The following SGCZ variants were observed in gnomAD, a reference collection of about 807,000 sequenced individuals.
The protein encoded by SGCZ is zeta-sarcoglycan.
Under a neutral mutation model 41.3 loss-of-function variants are expected in SGCZ, and 40 were observed. The ratio of observed to expected loss-of-function variants is 0.97; its 90% confidence interval spans 0.75 to 1.26. The LOEUF is 1.26. SGCZ is among the 50% of genes most tolerant of loss of function. The probability of loss-of-function intolerance (pLI) is 0.00; values close to 1 mark genes in which losing one functional copy is unlikely to be tolerated. For missense variants in SGCZ, 552 were observed against 369.8 expected, an observed-to-expected ratio of 1.49 and a Z score of -4.04; for synonymous variants, 206 against 137.5, an observed-to-expected ratio of 1.50 and a Z score of -3.49.
intron 2 of SGCZ, among the ~76,000 whole-genome samples, chr8:14,495,835 C>G (rs2117040072): frequency 6.6e-6 from 1 of 152,186 alleles, no homozygotes; most frequent in Admixed American, 6.5e-5. Context: ...CCTAAAGTTT[C>G]AGGGGACTAA....
chr8:14,550,379 T>A (rs776451171), intron 2 of SGCZ, among the ~76,000 whole-genome samples: 1 of 150,382 alleles, frequency 6.6e-6, no homozygotes, highest in Non-Finnish European at 1.5e-5. Flanking sequence ...AAAATTTATA[T>A]TTATGCATTA....
chr8:14,219,732 T>G (rs1237738295), intron 4 of SGCZ, among the ~76,000 whole-genome samples: 1 of 141,374 alleles, frequency 7.1e-6, no homozygotes, highest in Non-Finnish European at 1.5e-5. Flanking sequence ...GGCGACAGAG[T>G]GAGACTTCGT....
intron 1 of SGCZ, among the ~76,000 whole-genome samples, chr8:15,072,100 T>C (rs1003726985): frequency 2.6e-5 from 4 of 152,096 alleles, no homozygotes; most frequent in Admixed American, 2.6e-4. Context: ...CCTCAACAAC[T>C]GAACTGGCTG....
chr8:14,965,650 A>AT (rs1406828299), intron 1 of SGCZ, among the ~76,000 whole-genome samples: 1 of 152,200 alleles, frequency 6.6e-6, no homozygotes, highest in African/African-American at 2.4e-5. Context: ...TTAACATAGC[A>AT]TTTTTATAAA....
chr8:14,581,409 C>T (rs543902427), intron 1 of SGCZ, among the ~76,000 whole-genome samples: 2 of 152,142 alleles, frequency 1.3e-5, no homozygotes, highest in Admixed American at 6.5e-5. Context: ...CCACTGCGCC[C>T]GGCCTTTGCT....
intron 4 of SGCZ, among the ~76,000 whole-genome samples, chr8:14,176,859 G>C (rs1804557760): frequency 6.6e-6 from 1 of 152,202 alleles, no homozygotes; most frequent in Admixed American, 6.5e-5. Flanking sequence ...TTTGGAGACA[G>C]GAGGCAGTGA....
intron 2 of SGCZ, among the ~76,000 whole-genome samples, chr8:14,416,659 C>G (rs908730288): frequency 1.3e-5 from 2 of 151,842 alleles, no homozygotes; most frequent in African/African-American, 4.8e-5. Flanking sequence ...TACTTGGATT[C>G]AGAAATAAAG....
intron 1 of SGCZ, among the ~76,000 whole-genome samples, chr8:15,180,027 T>A (rs959183986): frequency 2.0e-5 from 3 of 152,198 alleles, no homozygotes; most frequent in African/African-American, 7.2e-5. Context: ...ATTTTTACTA[T>A]GTGTTATAAA....
intron 1 of SGCZ, among the ~76,000 whole-genome samples, chr8:14,785,413 A>AT (rs1180102498): frequency 1.3e-5 from 2 of 152,050 alleles, no homozygotes; most frequent in African/African-American, 2.4e-5. Context: ...ATCCATATAT[A>AT]TTTTTTTAAT....
rs550765147 is a variant in SGCZ at position 14,209,215 on chromosome 8, G to C, written c.424+28377C>G. On this transcript the variant is annotated intron_variant, in intron 4 of 7. Transcript: ENST00000382080. ...TCACATGTTGTCCAACCAATCTGTGGACTCCATGTAAATCAGACACACAGC... is the reference window on the plus strand; with the variant it reads ...TCACATGTTGTCCAACCAATCTGTGCACTCCATGTAAATCAGACACACAGC... 3.1e-4 allele frequency among the ~76,000 whole-genome samples: 47 copies of C among 152,282 alleles called. No homozygotes were observed. In the East Asian group the frequency reaches 8.5e-3, roughly 28 times the overall value.
chr8:15,235,274 C>A (rs773767091), intron 1 of SGCZ, among the ~76,000 whole-genome samples: 4 of 152,196 alleles, frequency 2.6e-5, no homozygotes, highest in African/African-American at 4.8e-5. Context: ...ATTCCACAGC[C>A]TTCGTATTCC....
chr8:14,740,261 A>G (rs1376890919), intron 1 of SGCZ, among the ~76,000 whole-genome samples: 1 of 152,072 alleles, frequency 6.6e-6, no homozygotes, highest in African/African-American at 2.4e-5. Context: ...TAACCAAGAC[A>G]GTTGGAATCC....
chr8:15,046,054 A>G (rs1804289656), intron 1 of SGCZ, among the ~76,000 whole-genome samples: 1 of 152,120 alleles, frequency 6.6e-6, no homozygotes, highest in Non-Finnish European at 1.5e-5. Context: ...TTATATTGTT[A>G]GTACATTTAC....
chr8:14,738,133 G>A (rs1030913093), intron 1 of SGCZ, among the ~76,000 whole-genome samples: 1 of 152,066 alleles, frequency 6.6e-6, no homozygotes, highest in Non-Finnish European at 1.5e-5. Context: ...CTAGATGAAA[G>A]TGATCTTATG....
intron 2 of SGCZ, among the ~76,000 whole-genome samples, chr8:14,410,550 A>G (rs201002574): frequency 1.4e-5 from 2 of 145,738 alleles, no homozygotes; most frequent in African/African-American, 5.5e-5. Context: ...TAAAAAAAAA[A>G]AAACAGAAGT....
intron 1 of SGCZ, among the ~76,000 whole-genome samples, chr8:14,568,038 C>A (rs1047428428): frequency 2.0e-5 from 3 of 151,970 alleles, no homozygotes; most frequent in Non-Finnish European, 4.4e-5. Flanking sequence ...ACAATATGAT[C>A]AACCTCCTTT....
At chr8:14,316,812 G>GACACACAC (rs55956388) in intron 3 of SGCZ, among the ~76,000 whole-genome samples, 227 of 142,496 alleles carry the variant, frequency 1.6e-3, no homozygotes, top group African/African-American at 5.3e-3. Flanking sequence ...ATTTATTATA[G>GACACACAC]ACACACACAC....
intron 4 of SGCZ, among the ~76,000 whole-genome samples, chr8:14,209,050 T>A (rs1366015224): frequency 6.6e-6 from 1 of 152,220 alleles, no homozygotes; most frequent in African/African-American, 2.4e-5. Flanking sequence ...CTTGGCATGT[T>A]CAAAATGACG....
At chr8:15,091,816 G>C (rs539170060) in intron 1 of SGCZ, among the ~76,000 whole-genome samples, 2 of 152,124 alleles carry the variant, frequency 1.3e-5, no homozygotes, top group Non-Finnish European at 2.9e-5. Context: ...GCAGTGTTGT[G>C]ATCACGGCTC....
Sources: gnomAD v4.1 joint callset for allele counts (sites outside exome capture counted in the v4.1 genomes callset) on GRCh38, gnomAD v4.1.1 for gene constraint, MANE v1.5 for transcripts, NCBI Gene and HGNC (gene_info 2026-07-23, HGNC 2026-07-21) for gene names.